The following ACBD4 variants were observed in gnomAD, a reference collection of about 807,000 sequenced individuals.
ACBD4 encodes acyl-CoA binding domain containing 4.
In ACBD4, 41 loss-of-function variants were observed where a neutral mutation model predicts 46.0. The observed-to-expected ratio is 0.89, with a 90% CI of 0.69 to 1.16. The LOEUF (loss-of-function observed/expected upper bound fraction) is 1.16. Ranked by LOEUF, ACBD4 falls within the 50% of genes most tolerant of loss-of-function variation. The pLI is 0.00. For missense variants in ACBD4, 393 were observed against 399.5 expected, an observed-to-expected ratio of 0.98 and a Z score of 0.14; for synonymous variants, 162 against 155.9, an observed-to-expected ratio of 1.04 and a Z score of -0.29.
upstream of ACBD4, among the ~76,000 whole-genome samples, chr17:45,134,663 G>C (rs950702240): frequency 9.2e-5 from 14 of 152,034 alleles, no homozygotes; most frequent in Admixed American, 4.6e-4. Context: ...TGTAATCCCA[G>C]TTGCTCGGGA....
chr17:45,137,050 C>T lies in ACBD4; in HGVS notation c.326C>T (p.Ala109Val). 6.2e-7 allele frequency: 1 copy of T among 1,614,138 alleles called. No individual in the cohort carries two copies. Among genetic ancestry groups the T allele is most frequent in the Non-Finnish European group, 8.5e-7 (1 of 1,180,014 alleles). The change falls in exon 5 of 10, where the codon GCA (alanine) becomes GTA (valine). Residue 109 changes from alanine (A) to valine (V), a missense_variant. Around this residue, in one of 3 missense-constraint regions of ACBD4, gnomAD observed 308 missense variants for 301.8 expected, o/e 1.02. Coordinates refer to ENST00000321854, the MANE Select transcript of ACBD4 (RefSeq NM_001135705.3). ...GACACAGTGCCCCTGGGTGAGGTGG[C>T]AGAGGACATGTTTGGTTACTTCGAG... ...VIDTVPLGEV[A>V]EDMFGYFEPL...
chr17:45,140,234 A>G (rs934041040), intron 9 of ACBD4, among the ~76,000 whole-genome samples: 5 of 150,776 alleles, frequency 3.3e-5, no homozygotes, highest in Admixed American at 3.3e-4. Context: ...CCCAGGCTGA[A>G]GTACAGTGGC....
upstream of ACBD4, chr17:45,132,521 T>G: frequency 5.0e-6 from 2 of 402,164 alleles, no homozygotes; most frequent in African/African-American, 2.3e-5. This position sits in a 1 kb window ranked among gnomAD's most constrained non-coding sequence, Gnocchi z 4.6. Flanking sequence ...CGAAGAAACT[T>G]AGCGGCGCGG....
intron 4 of ACBD4, 81 bp downstream of exon 4, chr17:45,136,857 T>G: frequency 1.3e-6 from 2 of 1,591,486 alleles, no homozygotes; most frequent in South Asian, 2.2e-5. Context: ...CTACGTTTCC[T>G]ACACATGGAC....
At chr17:45,140,999 C>T (rs961411875) in intron 9 of ACBD4, among the ~76,000 whole-genome samples, 4 of 152,198 alleles carry the variant, frequency 2.6e-5, no homozygotes, top group Admixed American at 2.0e-4. Flanking sequence ...AGCTACAGAG[C>T]AAGACTCCAT....
At chr17:45,134,432 A>G (rs2054656460), upstream of ACBD4, among the ~76,000 whole-genome samples, 1 of 152,310 alleles carries the variant, frequency 6.6e-6, no homozygotes, top group Middle Eastern at 3.4e-3. Flanking sequence ...CCTGGGCAAC[A>G]TAATGAGACT....
chr17:45,133,815 G>C (rs573936850), upstream of ACBD4, among the ~76,000 whole-genome samples: 42 of 152,182 alleles, frequency 2.8e-4, no homozygotes, highest in East Asian at 7.9e-3. Context: ...ACAGGCGTGA[G>C]CCACCGCGCC....
Position 45,137,838 on chromosome 17 carries a change from C to T in ACBD4, c.573+8C>T, listed in dbSNP as rs771086570. ...CAGCTGGAGCCTGAGCTGGTGAGCC[C>T]AGTCCCCATTCCCCCCTTTTCCCAC... On this transcript the variant is annotated splice_region_variant and intron_variant, in intron 7 of 9. Transcript: ENST00000321854. 8 of 1,613,576 alleles carry T rather than the reference C, an allele frequency of 5.0e-6. No individual in the cohort carries two copies. Among genetic ancestry groups the T allele is most frequent in the Non-Finnish European group, 6.8e-6 (8 of 1,179,572 alleles).
Position 45,137,747 on chromosome 17 carries a change from A to T in ACBD4, c.503-13A>T. 6.2e-7 allele frequency: 1 copy of T among 1,613,828 alleles called. No homozygotes were observed. Among genetic ancestry groups the T allele is most frequent in the Non-Finnish European group, 8.5e-7 (1 of 1,179,934 alleles). On this transcript the variant is annotated splice_polypyrimidine_tract_variant and intron_variant, in intron 6 of 9. Coordinates refer to ENST00000321854, the MANE Select transcript of ACBD4 (RefSeq NM_001135705.3). ...CTTCCCTCTGGGCAGTAACTCTACC[A>T]ACCCCTCCACAGAGTCCCATTCACC...
upstream of ACBD4, chr17:45,132,634 A>C (rs1394435997): frequency 3.8e-6 from 1 of 260,856 alleles, no homozygotes; most frequent in Admixed American, 5.4e-5. The surrounding 1 kb of genome is among the most constrained non-coding windows in gnomAD (Gnocchi z 4.6). Context: ...GTGGCCTGGA[A>C]GCCCGGAGCC....
upstream of ACBD4, chr17:45,132,268 A>G (rs766614973): frequency 7.1e-6 from 9 of 1,275,166 alleles, no homozygotes; most frequent in Non-Finnish European, 8.9e-6. This position sits in a 1 kb window ranked among gnomAD's most constrained non-coding sequence, Gnocchi z 4.6. Context: ...CAGCGCCCGC[A>G]GCCCGGGCCT....
upstream of ACBD4, chr17:45,132,573 G>A (rs2054484085): frequency 1.0e-5 from 2 of 191,996 alleles, no homozygotes; most frequent in East Asian, 2.7e-4. This position sits in a 1 kb window ranked among gnomAD's most constrained non-coding sequence, Gnocchi z 4.6. Flanking sequence ...GCGGGGCGGG[G>A]CGGGAAGGGA....
chr17:45,141,596 C>G (rs533394799), intron 9 of ACBD4, among the ~76,000 whole-genome samples: 152 of 152,178 alleles, frequency 1.0e-3, no homozygotes, highest in Non-Finnish European at 1.5e-3. Context: ...GAGATTGAGG[C>G]TGCAGTGAAC....
chr17:45,141,734 G>A (rs925045123), intron 9 of ACBD4, among the ~76,000 whole-genome samples: 6 of 152,086 alleles, frequency 3.9e-5, no homozygotes, highest in African/African-American at 1.2e-4. Flanking sequence ...TCATGGCAGA[G>A]GACACATGCT....
At chr17:45,143,180 T>G (rs1418283653) in intron 9 of ACBD4, among the ~76,000 whole-genome samples, 3 of 152,196 alleles carry the variant, frequency 2.0e-5, no homozygotes, top group African/African-American at 7.2e-5. Flanking sequence ...CATTGCTTTG[T>G]GGCCCAGAGA....
intron 9 of ACBD4, among the ~76,000 whole-genome samples, chr17:45,139,417 A>G (rs992752288): frequency 6.6e-6 from 1 of 152,210 alleles, no homozygotes; most frequent in African/African-American, 2.4e-5. Context: ...GCTAAGCCTC[A>G]GGACTAATCC....
At chr17:45,132,422 G>A, upstream of ACBD4, 2 of 1,203,726 alleles carry the variant, frequency 1.7e-6, no homozygotes, top group Non-Finnish European at 2.1e-6. The surrounding 1 kb of genome is among the most constrained non-coding windows in gnomAD (Gnocchi z 4.6). Flanking sequence ...GCTTGGCGGG[G>A]GGCCGGGGCC....
At chr17:45,136,924 C>T in intron 4 of ACBD4, 95 bp from the exon 5 acceptor site, 2 of 1,600,040 alleles carry the variant, frequency 1.2e-6, no homozygotes, top group Non-Finnish European at 1.7e-6. Flanking sequence ...TCTTTGGCCC[C>T]TGACTGGGCA....
At chr17:45,136,991 C>T (rs368699770) in intron 4 of ACBD4, 28 bp from the exon 5 acceptor site, 330 of 1,613,456 alleles carry the variant, frequency 2.0e-4, no homozygotes, top group Non-Finnish European at 2.6e-4. Context: ...GAGGCCACTC[C>T]GTCCCCAACA....
Sources: allele counts gnomAD v4.1 joint callset (sites outside exome capture counted in the v4.1 genomes callset), GRCh38; gene constraint gnomAD v4.1.1; regional missense constraint gnomAD v4.1.1; non-coding constraint Gnocchi (gnomAD v3.1); transcripts MANE v1.5; gene names NCBI Gene and HGNC (gene_info 2026-07-23, HGNC 2026-07-21).